PPL: variants seen among roughly 807,000 people sequenced by gnomAD.
The protein encoded by PPL is 190 kDa paraneoplastic pemphigus antigen.
PPL carries 198 observed loss-of-function variants against 194.4 expected under a neutral mutation model. The ratio of observed to expected loss-of-function variants is 1.02; its 90% CI spans 0.91 to 1.15. PPL has a LOEUF of 1.15. Ranked by LOEUF, PPL falls within the 50% of genes most tolerant of loss-of-function variation. PPL has a pLI of 0.00. For missense variants in PPL, 2,885 were observed against 2,294.8 expected, an observed-to-expected ratio of 1.26 and a Z score of -5.25; for synonymous variants, 1,220 against 972.4, an observed-to-expected ratio of 1.25 and a Z score of -4.74.
Position 4,903,875 on chromosome 16 carries a change from A to G in PPL, c.317+11T>C, listed in dbSNP as rs1464269756. Reference sequence around the variant, plus strand: ...ATGGCTCCCCTGGGGTAAGAAGCAGAAGGGACCTACTCCTCGGCGATCATG... The same window carrying G: ...ATGGCTCCCCTGGGGTAAGAAGCAGGAGGGACCTACTCCTCGGCGATCATG... On this transcript the variant is annotated intron_variant, in intron 3 of 21. Transcript: ENST00000345988. 2 of 1,613,552 alleles carry G rather than the reference A, an allele frequency of 1.2e-6. No homozygotes were observed. The highest frequency in any genetic ancestry group is 2.7e-5 in the African/African-American group (2 of 74,932).
At position 4,902,652 on chromosome 16, in the gene PPL, CCAGA is replaced by C. The variant is rs972862804; in HGVS notation, c.318-130_318-127del. The C allele has an allele frequency of 3.0e-5, 33 of 1,099,932 alleles. No individual in the cohort carries two copies. The African/African-American group carries it at 3.9e-4, about 13-fold the overall frequency. The allele number at this position is 1,099,932 out of a possible 1,614,324, so 68.1% of individuals were successfully genotyped here. The stretch of plus-strand genomic sequence containing the variant: ...CACAGTGACCATATGGCCTTGGGTT[CCAGA>C]CAATCACAGCATCCTCTCACCCCTC... On this transcript the variant is annotated intron_variant, in intron 3 of 21. Transcript: ENST00000345988. The surrounding 1 kb of genome is among the most constrained non-coding windows in gnomAD (Gnocchi z 4.0).
chr16:4,912,574 C>T (rs1055305085), intron 1 of PPL, among the ~76,000 whole-genome samples: 1 of 152,232 alleles, frequency 6.6e-6, no homozygotes, highest in Non-Finnish European at 1.5e-5. Context: ...TTTCTTTCAA[C>T]CTACTCGTTT....
chr16:4,884,592 C>A lies in PPL; in HGVS notation c.4063G>T (p.Val1355Leu). 1 of 1,614,132 alleles carries A rather than the reference C, an allele frequency of 6.2e-7. No individual in the cohort carries two copies. The highest frequency in any genetic ancestry group is 8.5e-7 in the Non-Finnish European group (1 of 1,180,012). ...CCTGGCTCCTCCTCATACCTGACCACCTCCTGCTGCACCACCCTTTCCTTC... is the reference window on the plus strand; with the variant it reads ...CCTGGCTCCTCCTCATACCTGACCAACTCCTGCTGCACCACCCTTTCCTTC... ...RVKERVVQQE[V>L]VRYEEEPGLR... Residue 1355 changes from valine to leucine, a missense_variant, in exon 22 of 22, where the codon GTG (valine) becomes TTG (leucine). Transcript: ENST00000345988. This position sits in a 1 kb window ranked among gnomAD's most constrained non-coding sequence, Gnocchi z 5.7.
chr16:4,882,991 ACTGT>A lies in PPL; in HGVS notation c.*389_*392del, dbSNP rs1329839284. The A allele has an allele frequency of 2.2e-5, 5 of 228,492 alleles. No homozygotes were observed. Among genetic ancestry groups the A allele is most frequent in the South Asian group, 5.6e-5 (1 of 17,944 alleles). The allele number at this position is 228,492 out of a possible 1,614,324, so 14.2% of individuals were successfully genotyped here. A position where few individuals can be genotyped will look rare whatever the true frequency, so the allele number is the denominator to read the frequency against. On this transcript the variant is annotated 3_prime_UTR_variant, in exon 22 of 22. Transcript: ENST00000345988. Reference sequence around the variant, plus strand: ...GCCCAGGCCTTTGTGGGGCAGTGTCACTGTCTGGTGTGCCACCAGTACCCATGCT... The same window carrying A: ...GCCCAGGCCTTTGTGGGGCAGTGTCACTGGTGTGCCACCAGTACCCATGCT...
chr16:4,909,128 G>A (rs1323855154), intron 2 of PPL, among the ~76,000 whole-genome samples: 1 of 152,116 alleles, frequency 6.6e-6, no homozygotes, highest in Non-Finnish European at 1.5e-5. Context: ...CCAGGCAGGA[G>A]GCCAGGGCAA....
intron 1 of PPL, among the ~76,000 whole-genome samples, chr16:4,914,987 C>T (rs755286908): frequency 6.6e-6 from 1 of 152,172 alleles, no homozygotes; most frequent in Admixed American, 6.5e-5. Context: ...AGTCTCACCC[C>T]AAATATTTAA....
intron 1 of PPL, among the ~76,000 whole-genome samples, chr16:4,915,655 T>G (rs984529652): frequency 2.0e-5 from 3 of 152,196 alleles, no homozygotes; most frequent in Non-Finnish European, 2.9e-5. Flanking sequence ...AAGTTACTCA[T>G]GGGGATGCTA....
intron 1 of PPL, among the ~76,000 whole-genome samples, chr16:4,922,794 T>C (rs922611909): frequency 4.6e-5 from 7 of 152,188 alleles, no homozygotes; most frequent in Admixed American, 6.5e-5. Flanking sequence ...CTGATCCTGG[T>C]GCAAGCCCAG....
chr16:4,936,948 G>A (rs1482674289), intron 1 of PPL, 36 bp downstream of exon 1: 10 of 1,572,530 alleles, frequency 6.4e-6, no homozygotes, highest in Admixed American at 3.5e-5. Flanking sequence ...ACAGGGGCAA[G>A]AGCGTCCCGG....
intron 1 of PPL, among the ~76,000 whole-genome samples, chr16:4,926,614 G>A (rs576853852): frequency 6.6e-6 from 1 of 152,176 alleles, no homozygotes; most frequent in East Asian, 1.9e-4. Flanking sequence ...GGTGACTCAT[G>A]CCTGTAATCC....
rs568778529 is a variant in PPL, at chr16:4,900,392, C to A, written c.606+438G>T. ...AGGAAAAGGCTGGGGCACCTCTCTT[C>A]CCGCCTCAACCCCTCTCCTGATTGA... On this transcript the variant is annotated intron_variant, in intron 6 of 21. Coordinates refer to ENST00000345988, the MANE Select transcript of PPL (RefSeq NM_002705.5). Among the ~76,000 whole-genome samples, 5 of 150,716 alleles carry A rather than the reference C, an allele frequency of 3.3e-5. No individual in the cohort carries two copies. In the East Asian group the frequency reaches 9.7e-4, roughly 29 times the overall value.
At chr16:4,907,211 G>A (rs549773303) in intron 2 of PPL, among the ~76,000 whole-genome samples, 2 of 151,900 alleles carry the variant, frequency 1.3e-5, no homozygotes, top group East Asian at 1.9e-4. Flanking sequence ...TCAGTGAGTC[G>A]TGATTGCGCC....
intron 12 of PPL, 54 bp from the exon 13 acceptor site, chr16:4,893,692 C>G: frequency 6.8e-7 from 1 of 1,465,766 alleles, no homozygotes; most frequent in Non-Finnish European, 9.2e-7. Context: ...CCCCTGCACC[C>G]ACAGAGGCGG....
intron 1 of PPL, among the ~76,000 whole-genome samples, chr16:4,929,044 G>T (rs986154273): frequency 1.2e-4 from 14 of 114,470 alleles, no homozygotes; most frequent in East Asian, 3.4e-4. Context: ...AAAAAAAAAA[G>T]ATCTGCCGAG....
chr16:4,920,219 G>A (rs1460153750), intron 1 of PPL, among the ~76,000 whole-genome samples: 1 of 151,576 alleles, frequency 6.6e-6, no homozygotes, highest in Non-Finnish European at 1.5e-5. Flanking sequence ...GGGAGGTGGA[G>A]GTTGCAGTGA....
Position 4,895,255 on chromosome 16 carries a change from A to G in PPL, c.1242+6T>C, listed in dbSNP as rs1452695998. ...TGATGTGAACAGAGGAGCTGGCCCC[A>G]CGCACCTGCTCCCCCTCAAAGTCAC... On this transcript the variant is annotated splice_donor_region_variant and intron_variant, in intron 11 of 21. Coordinates refer to ENST00000345988, the MANE Select transcript of PPL (RefSeq NM_002705.5). 1 of 1,597,730 alleles carries G rather than the reference A, an allele frequency of 6.3e-7. No individual in the cohort carries two copies. The highest frequency in any genetic ancestry group is 8.5e-7 in the Non-Finnish European group (1 of 1,171,428).
At chr16:4,928,467 G>GT (rs1404377752) in intron 1 of PPL, among the ~76,000 whole-genome samples, 1 of 152,220 alleles carries the variant, frequency 6.6e-6, no homozygotes, top group Non-Finnish European at 1.5e-5. Context: ...GTCATGCTTT[G>GT]TAAGATAAAA....
intron 2 of PPL, among the ~76,000 whole-genome samples, chr16:4,908,540 G>A (rs1297990742): frequency 2.0e-5 from 3 of 151,880 alleles, no homozygotes; most frequent in Non-Finnish European, 4.4e-5. Flanking sequence ...TGACTTTATT[G>A]ATTGATTGAT....
intron 2 of PPL, among the ~76,000 whole-genome samples, chr16:4,907,181 G>T (rs529713264): frequency 6.6e-6 from 1 of 151,792 alleles, no homozygotes; most frequent in East Asian, 1.9e-4. Context: ...AGGATTGCTT[G>T]AGCCCAGGAG....
Sources: gnomAD v4.1 joint callset for allele counts (sites outside exome capture counted in the v4.1 genomes callset) on GRCh38, gnomAD v4.1.1 for gene constraint, Gnocchi (gnomAD v3.1) non-coding constraint, MANE v1.5 for transcripts, NCBI Gene and HGNC (gene_info 2026-07-23, HGNC 2026-07-21) for gene names.